Variants in ERG observed in about 807,000 individuals in gnomAD.
The protein encoded by ERG is transcriptional regulator ERG.
In ERG, 9 loss-of-function variants were observed where a neutral mutation model predicts 55.3. The ratio of observed to expected loss-of-function variants is 0.16; its 90% confidence interval spans 0.10 to 0.28. The LOEUF is 0.28. Ranked by LOEUF, ERG falls within the 10% of genes least tolerant of loss-of-function variation. ERG has a pLI of 1.00. For missense variants in ERG, 434 were observed against 631.6 expected (o/e 0.69, Z 3.35); for synonymous variants, 223 against 237.3 (o/e 0.94, Z 0.55).
intron 1 of ERG, among the ~76,000 whole-genome samples, chr21:38,601,908 G>A (rs987279230): frequency 1.3e-5 from 2 of 152,054 alleles, no homozygotes; most frequent in African/African-American, 4.8e-5. Context: ...TTGAGATGGT[G>A]TCTCCCTCTG....
chr21:38,613,208 A>G (rs995909273), intron 1 of ERG, among the ~76,000 whole-genome samples: 1 of 152,256 alleles, frequency 6.6e-6, no homozygotes, highest in African/African-American at 2.4e-5. Context: ...TAAAATCACA[A>G]ATAGACCAAG....
intron 1 of ERG, among the ~76,000 whole-genome samples, chr21:38,598,876 T>C (rs572213377): frequency 3.3e-5 from 5 of 152,278 alleles, no homozygotes; most frequent in Admixed American, 6.5e-5. Context: ...CCGGCACTGA[T>C]AGAAGAGACC....
chr21:38,573,325 T>C (rs1006618677), intron 2 of ERG, among the ~76,000 whole-genome samples: 60 of 152,242 alleles, frequency 3.9e-4, no homozygotes, highest in African/African-American at 1.3e-3. Context: ...CTGAGGTGGA[T>C]TAGTAAAAGA....
At chr21:38,636,762 T>C (rs1203143446) in intron 1 of ERG, among the ~76,000 whole-genome samples, 1 of 152,204 alleles carries the variant, frequency 6.6e-6, no homozygotes, top group Non-Finnish European at 1.5e-5. Context: ...GCCCACAGCC[T>C]GACAGGAAAA....
the ERG span, among the ~76,000 whole-genome samples, chr21:38,372,606 A>C: frequency 1.3e-5 from 2 of 151,958 alleles, no homozygotes; most frequent in Non-Finnish European, 2.9e-5. Flanking sequence ...TTCCTAAGTA[A>C]ATTTTTCTAC....
chr21:38,370,229 C>T, the ERG span, among the ~76,000 whole-genome samples: 1 of 152,026 alleles, frequency 6.6e-6, no homozygotes, highest in African/African-American at 2.4e-5. Context: ...AATTGTTCAT[C>T]ATGTTTCCAC....
chr21:38,520,011 A>G (rs1487137863), intron 2 of ERG, among the ~76,000 whole-genome samples: 1 of 145,928 alleles, frequency 6.9e-6, no homozygotes, highest in East Asian at 2.0e-4. Context: ...ACATACAGAC[A>G]CACACACATA....
intron 2 of ERG, among the ~76,000 whole-genome samples, chr21:38,432,654 G>A (rs541486308): frequency 1.2e-4 from 19 of 152,224 alleles, no homozygotes; most frequent in Non-Finnish European, 2.5e-4. Flanking sequence ...AGCTATTGCT[G>A]TTAGTTCATT....
In ERG at chr21:38,426,822, C is replaced by T. The variant is rs150932075; in HGVS notation, c.237-3261G>A. On this transcript the variant is annotated intron_variant, in intron 2 of 9. Coordinates refer to ENST00000288319, the MANE Select transcript of ERG (RefSeq NM_182918.4). The stretch of plus-strand genomic sequence containing the variant: ...GTGCATGCCCGTAATCCCAGCTACT[C>T]GGGAGGCTGAGGCAGGAGAATCGCT... Among the ~76,000 whole-genome samples, 709 of 151,614 alleles carry T rather than the reference C, an allele frequency of 4.7e-3. 18 individuals are homozygous for T. Among genetic ancestry groups the T allele is most frequent in the East Asian group, 0.046 (237 of 5,102 alleles).
At chr21:38,601,354 G>T (rs2060163441) in intron 1 of ERG, among the ~76,000 whole-genome samples, 1 of 152,068 alleles carries the variant, frequency 6.6e-6, no homozygotes, top group African/African-American at 2.4e-5. Context: ...TCTCTTTGGT[G>T]GCAAAGGCAA....
intron 2 of ERG, among the ~76,000 whole-genome samples, chr21:38,515,847 T>C (rs1010481078): frequency 3.3e-5 from 5 of 151,982 alleles, no homozygotes; most frequent in Non-Finnish European, 5.9e-5. Context: ...AATCAATAAA[T>C]ATGATACATC....
chr21:38,439,332 G>C (rs924610646), intron 2 of ERG, among the ~76,000 whole-genome samples: 1 of 152,188 alleles, frequency 6.6e-6, no homozygotes, highest in African/African-American at 2.4e-5. Flanking sequence ...GTTACCTCTT[G>C]GCTTATCCTG....
At chr21:38,636,931 G>A (rs2146964762) in intron 1 of ERG, among the ~76,000 whole-genome samples, 3 of 152,296 alleles carry the variant, frequency 2.0e-5, no homozygotes, top group Admixed American at 2.0e-4. Context: ...CACTGTTACA[G>A]TTTACAAACA....
At chr21:38,472,237 C>A (rs910194184) in intron 1 of ERG, among the ~76,000 whole-genome samples, 3 of 152,084 alleles carry the variant, frequency 2.0e-5, no homozygotes, top group African/African-American at 7.2e-5. Context: ...AGGCATGAAA[C>A]GGTGCACTAT....
At chr21:38,485,459 G>GTT (rs2059274950) in intron 1 of ERG, among the ~76,000 whole-genome samples, 1 of 135,008 alleles carries the variant, frequency 7.4e-6, no homozygotes. Flanking sequence ...TAAATATACA[G>GTT]TCTTTTTTTT....
At chr21:38,660,630 C>T (rs1375854106) in intron 1 of ERG, 1 of 151,976 alleles carries the variant, frequency 6.6e-6, no homozygotes, top group Non-Finnish European at 1.5e-5. Flanking sequence ...CGCGCCGAGC[C>T]GGGTCGCACT....
chr21:38,646,279 TAAAA>T (rs397969203), intron 1 of ERG, among the ~76,000 whole-genome samples: 2 of 110,294 alleles, frequency 1.8e-5, no homozygotes, highest in African/African-American at 3.4e-5. Flanking sequence ...AGTCTCTGTC[TAAAA>T]AAAAAAAAAA....
chr21:38,635,614 T>C (rs1380322673), intron 1 of ERG, among the ~76,000 whole-genome samples: 1 of 152,124 alleles, frequency 6.6e-6, no homozygotes, highest in Non-Finnish European at 1.5e-5. Context: ...ATCCAAAAAC[T>C]GTTACAAAAG....
upstream of ERG, among the ~76,000 whole-genome samples, chr21:38,589,567 G>T (rs1021788519): frequency 2.0e-5 from 3 of 152,212 alleles, no homozygotes; most frequent in African/African-American, 4.8e-5. Context: ...ATTCTGGTCA[G>T]TCTAACACTC....
Sources: allele counts gnomAD v4.1 joint callset (sites outside exome capture counted in the v4.1 genomes callset), GRCh38; gene constraint gnomAD v4.1.1; transcripts MANE v1.5; gene names NCBI Gene and HGNC (gene_info 2026-07-23, HGNC 2026-07-21).